The following ANO2 variants were observed in gnomAD, a reference collection of about 807,000 sequenced individuals.
ANO2 encodes anoctamin 2.
A neutral mutation model predicts 124.2 loss-of-function variants in ANO2; 101 were observed. That is an observed-to-expected ratio of 0.81 (90% CI 0.69 to 0.96). The LOEUF (loss-of-function observed/expected upper bound fraction) is 0.96. ANO2 is among the 40% of genes least tolerant of loss of function. ANO2 has a pLI of 0.00. For missense variants in ANO2, 1,293 were observed against 1,274.5 expected, an observed-to-expected ratio of 1.01 and a Z score of -0.22; for synonymous variants, 486 against 482.5, an observed-to-expected ratio of 1.01 and a Z score of -0.09.
intron 14 of ANO2, among the ~76,000 whole-genome samples, chr12:5,695,500 A>G (rs1949129750): frequency 6.6e-6 from 1 of 152,216 alleles, no homozygotes; most frequent in South Asian, 2.1e-4. Flanking sequence ...CCAGGATACA[A>G]ACCTATCCAC....
At chr12:5,752,932 T>C (rs1231450968) in intron 10 of ANO2, among the ~76,000 whole-genome samples, 1 of 152,356 alleles carries the variant, frequency 6.6e-6, no homozygotes, top group Middle Eastern at 3.4e-3. Context: ...TGCATGTGGA[T>C]ATCCAGTTTT....
At chr12:5,678,249 G>C (rs1432918053) in intron 14 of ANO2, among the ~76,000 whole-genome samples, 4 of 152,178 alleles carry the variant, frequency 2.6e-5, no homozygotes, top group Non-Finnish European at 4.4e-5. Flanking sequence ...TTGGAACATG[G>C]GCTGCATACG....
intron 4 of ANO2, among the ~76,000 whole-genome samples, chr12:5,837,293 CTT>C (rs10623130): frequency 4.2e-5 from 4 of 95,634 alleles, no homozygotes; most frequent in Admixed American, 2.6e-4. Context: ...ATGCAGATTT[CTT>C]TTTTTTTTTT....
chr12:5,927,942 G>C (rs1942161575), intron 1 of ANO2, among the ~76,000 whole-genome samples: 1 of 152,218 alleles, frequency 6.6e-6, no homozygotes, highest in African/African-American at 2.4e-5. Flanking sequence ...AATGTGGAGA[G>C]CTGGTAAGAG....
chr12:5,656,942 C>A (rs867633931), intron 14 of ANO2, among the ~76,000 whole-genome samples: 2 of 152,130 alleles, frequency 1.3e-5, no homozygotes, highest in Non-Finnish European at 2.9e-5. Context: ...GGACAGGGGA[C>A]CCAGACATTG....
intron 7 of ANO2, among the ~76,000 whole-genome samples, chr12:5,811,828 T>C (rs1953398472): frequency 6.6e-6 from 1 of 152,142 alleles, no homozygotes; most frequent in South Asian, 2.1e-4. Context: ...ATATTTTCAG[T>C]CTCTGAATGT....
chr12:5,756,040 T>C (rs2137099687), intron 10 of ANO2, among the ~76,000 whole-genome samples: 1 of 152,222 alleles, frequency 6.6e-6, no homozygotes, highest in Admixed American at 6.5e-5. Flanking sequence ...CTTTCTTCAC[T>C]TTTCAACCTT....
At chr12:5,793,176 T>G (rs1403414305) in intron 10 of ANO2, among the ~76,000 whole-genome samples, 1 of 152,188 alleles carries the variant, frequency 6.6e-6, no homozygotes, top group Non-Finnish European at 1.5e-5. Context: ...GAAGCAGAAC[T>G]AAGACCAAAA....
chr12:5,588,721 C>T (rs1252571992), intron 20 of ANO2, among the ~76,000 whole-genome samples: 1 of 152,230 alleles, frequency 6.6e-6, no homozygotes, highest in Admixed American at 6.5e-5. Context: ...GGCACTGACT[C>T]TGTTTTACCT....
intron 20 of ANO2, among the ~76,000 whole-genome samples, chr12:5,587,847 C>G (rs571458753): frequency 2.0e-5 from 3 of 152,238 alleles, no homozygotes; most frequent in Admixed American, 6.5e-5. Context: ...CTGATCCCAG[C>G]CTCCCTTCAC....
intron 16 of ANO2, among the ~76,000 whole-genome samples, chr12:5,626,679 C>T (rs1945425359): frequency 6.6e-6 from 1 of 152,182 alleles, no homozygotes. Flanking sequence ...AGCCCTTACT[C>T]ACAGCAGTGA....
At chr12:5,895,520 A>G (rs1267851680) in intron 3 of ANO2, among the ~76,000 whole-genome samples, 2 of 152,170 alleles carry the variant, frequency 1.3e-5, no homozygotes, top group African/African-American at 4.8e-5. Flanking sequence ...ATAGCCAACA[A>G]ACATATGAAA....
At chr12:5,791,488 G>A (rs1952692970) in intron 10 of ANO2, among the ~76,000 whole-genome samples, 1 of 152,182 alleles carries the variant, frequency 6.6e-6, no homozygotes, top group South Asian at 2.1e-4. Flanking sequence ...CCACACCATG[G>A]TTTTCCCTGG....
At chr12:5,598,074 C>A (rs1335969281) in intron 20 of ANO2, among the ~76,000 whole-genome samples, 1 of 152,148 alleles carries the variant, frequency 6.6e-6, no homozygotes, top group Non-Finnish European at 1.5e-5. Flanking sequence ...CTGATCTAGA[C>A]CCTGCCCATT....
At chr12:5,682,335 CTT>C (rs1491235137) in intron 14 of ANO2, among the ~76,000 whole-genome samples, 1 of 114,766 alleles carries the variant, frequency 8.7e-6, no homozygotes, top group African/African-American at 2.8e-5. Flanking sequence ...CTCTCTTTCT[CTT>C]TCTCTCTCTC....
chr12:5,701,087 A>T (rs1165638970), intron 14 of ANO2, among the ~76,000 whole-genome samples: 46 of 93,622 alleles, frequency 4.9e-4, no homozygotes, highest in Non-Finnish European at 6.0e-4. Context: ...GTCATTTTCA[A>T]TTTTTTTTTT....
At chr12:5,775,359 TG>T (rs2137126120) in intron 10 of ANO2, among the ~76,000 whole-genome samples, 1 of 152,196 alleles carries the variant, frequency 6.6e-6, no homozygotes, top group African/African-American at 2.4e-5. Flanking sequence ...AGGTCACATA[TG>T]CCCGTATGAG....
chr12:5,919,979 G>A (rs917297131), intron 3 of ANO2, among the ~76,000 whole-genome samples: 3 of 151,766 alleles, frequency 2.0e-5, no homozygotes, highest in Non-Finnish European at 4.4e-5. Flanking sequence ...TTACAGGCGT[G>A]AGTCACCGCG....
chr12:5,869,522 C>T (rs942572362), intron 3 of ANO2, among the ~76,000 whole-genome samples: 2 of 152,100 alleles, frequency 1.3e-5, no homozygotes, highest in Non-Finnish European at 1.5e-5. Context: ...CCTCTCCAAC[C>T]CCTGCTGGGT....
Sources: gnomAD v4.1 joint callset for allele counts (sites outside exome capture counted in the v4.1 genomes callset) on GRCh38, gnomAD v4.1.1 for gene constraint, MANE v1.5 for transcripts, NCBI Gene and HGNC (gene_info 2026-07-23, HGNC 2026-07-21) for gene names.